Variants in CSTF1 observed in about 807,000 individuals in gnomAD.
CSTF1 encodes cleavage stimulation factor subunit 1.
CSTF1 carries 2 observed loss-of-function variants against 40.9 expected under a neutral mutation model. The observed-to-expected ratio is 0.05, with a 90% CI of 0.02 to 0.15. CSTF1 has a LOEUF of 0.15. Among genes scored for constraint, CSTF1 ranks in the 10% least tolerant of loss-of-function variants. The pLI is 1.00. For synonymous variants in CSTF1, 218 were observed against 207.2 expected (o/e 1.05, Z -0.45); for missense variants, 279 against 558.9 (o/e 0.50, Z 5.05).
At chr20:56,403,292 A>G (rs552655463) in intron 5 of CSTF1, among the ~76,000 whole-genome samples, 176 bp from the exon 6 acceptor site, 2 of 152,198 alleles carry the variant, frequency 1.3e-5, no homozygotes, top group East Asian at 3.9e-4. Context: ...CTGGGATTAC[A>G]GACGTGAGCC....
At chr20:56,402,474 A>G (rs1978502398) in intron 5 of CSTF1, among the ~76,000 whole-genome samples, 1 of 152,176 alleles carries the variant, frequency 6.6e-6, no homozygotes, top group Admixed American at 6.5e-5. Flanking sequence ...AAAATATGTA[A>G]TTTATAGTCA....
At chr20:56,395,880 G>C in intron 2 of CSTF1, 159 bp downstream of exon 2, 1 of 712,144 alleles carries the variant, frequency 1.4e-6, no homozygotes, top group Admixed American at 3.0e-5. Flanking sequence ...AAGTAGCTCA[G>C]TAAGTAAGGG....
chr20:56,397,496 A>G lies in CSTF1; in HGVS notation c.447+12A>G, dbSNP rs372533821. The G allele has an allele frequency of 2.0e-4, 323 of 1,610,124 alleles. No homozygotes were observed. The African/African-American group carries it at 3.3e-3, about 16-fold the overall frequency. ...CCATGCCAATAGAGGTAAAAATTCC[A>G]GTCACATACTTATTGATTGCCTTCT... On this transcript the variant is annotated intron_variant, in intron 3 of 5. Transcript: ENST00000217109. This position sits in a 1 kb window ranked among gnomAD's most constrained non-coding sequence, Gnocchi z 4.4.
rs1978674873 is a variant in CSTF1 at position 56,405,599 on chromosome 20, C to CTTAA, written c.*1873_*1876dup. 6.6e-6 allele frequency: 1 copy of CTTAA among 152,200 alleles called. No homozygotes were observed. Among genetic ancestry groups the CTTAA allele is most frequent in the Admixed American group, 6.5e-5 (1 of 15,282 alleles). 9.4% of individuals were successfully genotyped at this position (152,200 alleles called of 1,614,324 possible). A position where few individuals can be genotyped will look rare whatever the true frequency, so the allele number is the denominator to read the frequency against. On this transcript the variant is annotated 3_prime_UTR_variant, in exon 6 of 6. Coordinates refer to ENST00000217109, the MANE Select transcript of CSTF1 (RefSeq NM_001324.3). ...TTAACTCCTTGATCTGTAAAACTGTCTTAAGCATCTTAACATGTTACATCA... is the reference window on the plus strand; with the variant it reads ...TTAACTCCTTGATCTGTAAAACTGTCTTAATTAAGCATCTTAACATGTTACATCA...
intron 1 of CSTF1, among the ~76,000 whole-genome samples, chr20:56,392,973 A>G (rs909718828): frequency 6.6e-6 from 1 of 151,982 alleles, no homozygotes; most frequent in South Asian, 2.1e-4. Flanking sequence ...TCTGTGTTCT[A>G]GCCTTTCCAA....
chr20:56,403,165 G>C (rs975094583), intron 5 of CSTF1, among the ~76,000 whole-genome samples: 4 of 151,798 alleles, frequency 2.6e-5, no homozygotes, highest in African/African-American at 9.7e-5. Context: ...CAGGTGATCT[G>C]GTGATCTCCT....
rs115282770 is a variant in CSTF1 at position 56,395,500 on chromosome 20, G to A, written c.-32-21G>A. 1,554 of 1,544,432 alleles carry A rather than the reference G, an allele frequency of 1.0e-3. 16 individuals carry two copies. In the African/African-American group the frequency reaches 0.019, roughly 19 times the overall value. Reference sequence around the variant, plus strand: ...TTTACTAGAGCCTGTACCCTTCACCGTCCATTTTCCGTTTTTGCAGCTGGC... The same window carrying A: ...TTTACTAGAGCCTGTACCCTTCACCATCCATTTTCCGTTTTTGCAGCTGGC... On this transcript the variant is annotated intron_variant, in intron 1 of 5. Transcript: ENST00000217109.
chr20:56,392,988 G>C (rs1487719282), intron 1 of CSTF1, among the ~76,000 whole-genome samples: 2 of 152,110 alleles, frequency 1.3e-5, no homozygotes, highest in Non-Finnish European at 2.9e-5. Flanking sequence ...TTCCAACTGC[G>C]ATGTATCCGG....
rs71198364 is a variant in CSTF1 at position 56,404,812 on chromosome 20, A to ATTTTTTTTTTTTTTTTTTTTTTTT, written c.*1088_*1111dup. On this transcript the variant is annotated 3_prime_UTR_variant, in exon 6 of 6. Coordinates refer to ENST00000217109, the MANE Select transcript of CSTF1 (RefSeq NM_001324.3). ...AGGCACCCACCACCACGCCCGGCTA[A>ATTTTTTTTTTTTTTTTTTTTTTTT]TTTTTTTTTTTTTTTTTTTTTTTTT... 1.6e-3 allele frequency: 80 copies of ATTTTTTTTTTTTTTTTTTTTTTTT among 50,916 alleles called. 5 individuals are homozygous for ATTTTTTTTTTTTTTTTTTTTTTTT. The highest frequency in any genetic ancestry group is 3.5e-3 in the African/African-American group (29 of 8,346). The allele number at this position is 50,916 out of a possible 1,614,324, so 3.2% of individuals were successfully genotyped here.
chr20:56,402,557 C>T (rs761095817), intron 5 of CSTF1, among the ~76,000 whole-genome samples: 11 of 152,082 alleles, frequency 7.2e-5, no homozygotes, highest in Non-Finnish European at 1.2e-4. Context: ...GGAATTTACT[C>T]CTAAGGAAAT....
In CSTF1 at chr20:56,397,845, G is replaced by A. The variant is rs1472895678; in HGVS notation, c.645+4G>A. The A allele has an allele frequency of 6.3e-7, 1 of 1,599,612 alleles. No homozygotes were observed. The highest frequency in any genetic ancestry group is 2.2e-5 in the East Asian group (1 of 44,828). ...AAGAGCCTTCAAATACATTCAGGTA[G>A]GAATCTTTAGAAAGGAGCTTTACAT... On this transcript the variant is annotated splice_donor_region_variant and intron_variant, in intron 4 of 5. Transcript: ENST00000217109. This position sits in a 1 kb window ranked among gnomAD's most constrained non-coding sequence, Gnocchi z 4.4.
chr20:56,403,291 C>T (rs1978547536), intron 5 of CSTF1, among the ~76,000 whole-genome samples, 177 bp from the exon 6 acceptor site: 4 of 152,008 alleles, frequency 2.6e-5, no homozygotes, highest in South Asian at 2.1e-4. Context: ...ACTGGGATTA[C>T]AGACGTGAGC....
At chr20:56,393,399 T>G (rs1400890965) in intron 1 of CSTF1, among the ~76,000 whole-genome samples, 2 of 152,156 alleles carry the variant, frequency 1.3e-5, no homozygotes, top group Non-Finnish European at 2.9e-5. Flanking sequence ...TCGAGTCATA[T>G]TAACCCAACG....
In CSTF1 at chr20:56,406,291, C is replaced by T. The variant is rs180678367; in HGVS notation, c.*2564C>T. 6.6e-6 allele frequency: 1 copy of T among 151,422 alleles called. No homozygotes were observed. Among genetic ancestry groups the T allele is most frequent in the East Asian group, 1.9e-4 (1 of 5,174 alleles). The allele number at this position is 151,422 out of a possible 1,614,324, so 9.4% of individuals were successfully genotyped here. A position where few individuals can be genotyped will look rare whatever the true frequency, so the allele number is the denominator to read the frequency against. On this transcript the variant is annotated 3_prime_UTR_variant, in exon 6 of 6. Coordinates refer to ENST00000217109, the MANE Select transcript of CSTF1 (RefSeq NM_001324.3). Reference sequence around the variant, plus strand: ...AAATAATGAATATCTGGTCAGGATACGAACTTATACCCTCTGTGTGTTTTT... The same window carrying T: ...AAATAATGAATATCTGGTCAGGATATGAACTTATACCCTCTGTGTGTTTTT...
Position 56,397,006 on chromosome 20 carries a change from C to T in CSTF1, c.170-201C>T. The T allele has an allele frequency of 3.6e-6, 2 of 562,092 alleles. No individual in the cohort carries two copies. The highest frequency in any genetic ancestry group is 6.2e-6 in the Non-Finnish European group (2 of 323,980). 34.8% of individuals were successfully genotyped at this position (562,092 alleles called of 1,614,324 possible). On this transcript the variant is annotated intron_variant, in intron 2 of 5. Coordinates refer to ENST00000217109, the MANE Select transcript of CSTF1 (RefSeq NM_001324.3). This position sits in a 1 kb window ranked among gnomAD's most constrained non-coding sequence, Gnocchi z 4.4. ...TATTGGAGCCTAACCTTCCAGCAAC[C>T]CATGTGGCCTCACAGCGTGGTGAAC... is the stretch of plus-strand genomic sequence containing the variant.
chr20:56,403,861 G>T lies in CSTF1; in HGVS notation c.*134G>T, dbSNP rs1268568346. ...CTCTGTCCACATTCTTCTTGGATTTGTATAAAAGAATCTTTTTTTACCTTG... is the reference window on the plus strand; with the variant it reads ...CTCTGTCCACATTCTTCTTGGATTTTTATAAAAGAATCTTTTTTTACCTTG... On this transcript the variant is annotated 3_prime_UTR_variant, in exon 6 of 6. Coordinates refer to ENST00000217109, the MANE Select transcript of CSTF1 (RefSeq NM_001324.3). 3.3e-6 allele frequency: 3 copies of T among 922,488 alleles called. No homozygotes were observed. The highest frequency in any genetic ancestry group is 3.3e-5 in the African/African-American group (2 of 60,390). 57.1% of individuals were successfully genotyped at this position (922,488 alleles called of 1,614,324 possible).
intron 4 of CSTF1, among the ~76,000 whole-genome samples, chr20:56,398,262 T>G (rs1242182087): frequency 1.3e-5 from 2 of 152,248 alleles, no homozygotes; most frequent in Non-Finnish European, 2.9e-5. Flanking sequence ...TAGTTGTGGC[T>G]TCTGTCTGTT....
At chr20:56,392,894 T>G (rs1470146520) in intron 1 of CSTF1, 181 bp downstream of exon 1, 1 of 152,174 alleles carries the variant, frequency 6.6e-6, no homozygotes, top group Non-Finnish European at 1.5e-5. Flanking sequence ...AGGGCCTCGC[T>G]TCCATTCCCA....
intron 1 of CSTF1, among the ~76,000 whole-genome samples, chr20:56,394,141 A>G (rs998646742): frequency 6.6e-6 from 1 of 152,236 alleles, no homozygotes; most frequent in Non-Finnish European, 1.5e-5. Flanking sequence ...TACTATGTTC[A>G]TGTACTACTT....
Sources: gnomAD v4.1 joint callset for allele counts (sites outside exome capture counted in the v4.1 genomes callset) on GRCh38, gnomAD v4.1.1 for gene constraint, Gnocchi (gnomAD v3.1) non-coding constraint, MANE v1.5 for transcripts, NCBI Gene and HGNC (gene_info 2026-07-23, HGNC 2026-07-21) for gene names.